Variants in GPBP1 observed in about 807,000 individuals in gnomAD.
GPBP1 encodes GC-rich promoter binding protein 1.
GPBP1 carries 13 observed loss-of-function variants against 56.5 expected under a neutral mutation model. The observed-to-expected ratio is 0.23, with a 90% confidence interval of 0.15 to 0.37. The LOEUF (loss-of-function observed/expected upper bound fraction) is 0.37. GPBP1 is among the 10% of genes least tolerant of loss of function. The probability of loss-of-function intolerance (pLI) is 1.00; values close to 1 mark genes in which losing one functional copy is unlikely to be tolerated. For missense variants in GPBP1, 477 were observed against 572.3 expected, an observed-to-expected ratio of 0.83 and a Z score of 1.70; for synonymous variants, 204 against 188.9, an observed-to-expected ratio of 1.08 and a Z score of -0.66.
chr5:57,174,577 T>C (rs1753712596), intron 1 of GPBP1, among the ~76,000 whole-genome samples: 1 of 152,126 alleles, frequency 6.6e-6, no homozygotes, highest in Admixed American at 6.5e-5. Flanking sequence ...TTTGCACCAC[T>C]ACCCTTCTCA....
chr5:57,199,933 T>G (rs116442681), intron 2 of GPBP1, among the ~76,000 whole-genome samples: 1,706 of 151,972 alleles, frequency 0.011, 30 homozygotes, highest in African/African-American at 0.039. Flanking sequence ...TTTTTTTCTT[T>G]TGGAACTCTT....
Position 57,246,285 on chromosome 5 carries a change from G to A in GPBP1, c.479-15G>A, listed in dbSNP as rs1239394125. 7 of 1,598,604 alleles carry A rather than the reference G, an allele frequency of 4.4e-6. No homozygotes were observed. The South Asian group carries it at 5.6e-5, about 13-fold the overall frequency. On this transcript the variant is annotated splice_polypyrimidine_tract_variant and intron_variant, in intron 6 of 11. Transcript: ENST00000506184. ...GAAATTGTGAGTGACTCTTGGTCATGCTTTATTTATGCAGAATATCCTCCG... is the reference window on the plus strand; with the variant it reads ...GAAATTGTGAGTGACTCTTGGTCATACTTTATTTATGCAGAATATCCTCCG...
At position 57,232,719 on chromosome 5, in the gene GPBP1, A is replaced by T. The variant is rs756300598; in HGVS notation, c.411+1398A>T. 8.3e-4 allele frequency among the ~76,000 whole-genome samples: 126 copies of T among 152,166 alleles called. 2 individuals carry two copies. Among genetic ancestry groups the T allele is most frequent in the Admixed American group, 3.9e-4 (6 of 15,270 alleles). ...AAGTAGATGCGTCAAGTTATAAATG[A>T]CCCTGTCTCCTTTGTTCGGTGTACT... On this transcript the variant is annotated intron_variant, in intron 5 of 11. Coordinates refer to ENST00000506184, the MANE Select transcript of GPBP1 (RefSeq NM_022913.4).
At chr5:57,250,206 G>A (rs181175339) in intron 9 of GPBP1, among the ~76,000 whole-genome samples, 5 of 151,454 alleles carry the variant, frequency 3.3e-5, no homozygotes, top group Non-Finnish European at 5.9e-5. Context: ...GTTTCACCAC[G>A]TTGGCCAGAC....
intron 10 of GPBP1, among the ~76,000 whole-genome samples, chr5:57,252,149 A>ACC (rs1741424386): frequency 1.1e-4 from 1 of 9,502 alleles, no homozygotes; most frequent in African/African-American, 4.3e-4. Flanking sequence ...CCACCCCCAC[A>ACC]GGCACCTTTT....
At chr5:57,178,481 G>C (rs575922258) in intron 2 of GPBP1, among the ~76,000 whole-genome samples, 2 of 152,268 alleles carry the variant, frequency 1.3e-5, no homozygotes, top group African/African-American at 4.8e-5. Context: ...CCTGACCTCA[G>C]ATGATTCACC....
intron 2 of GPBP1, among the ~76,000 whole-genome samples, chr5:57,189,052 G>C (rs1754410695): frequency 6.6e-6 from 1 of 152,274 alleles, no homozygotes; most frequent in South Asian, 2.1e-4. Flanking sequence ...GAGTATAGTG[G>C]TGTGATCTTG....
chr5:57,241,697 A>AG (rs1740843503), intron 6 of GPBP1, among the ~76,000 whole-genome samples: 1 of 152,246 alleles, frequency 6.6e-6, no homozygotes, highest in Non-Finnish European at 1.5e-5. Flanking sequence ...ATACCTGTGT[A>AG]GGTGAGGTTG....
intron 2 of GPBP1, among the ~76,000 whole-genome samples, chr5:57,208,212 A>G (rs533067687): frequency 1.3e-5 from 2 of 152,222 alleles, no homozygotes; most frequent in African/African-American, 2.4e-5. Context: ...GCCAGGGACC[A>G]TGCCCTTTTC....
rs143594486 is a variant in GPBP1, at chr5:57,255,415, C to T, written c.1160+4274C>T. 5.3e-3 allele frequency among the ~76,000 whole-genome samples: 804 copies of T among 152,250 alleles called. 4 individuals carry two copies. The highest frequency in any genetic ancestry group is 8.6e-3 in the Non-Finnish European group (585 of 68,014). ...AAAATAATCAGCTACTGCCATGTTA[C>T]CCAAAAACATTCTGATAATTTGCAC... On this transcript the variant is annotated intron_variant, in intron 10 of 11. Coordinates refer to ENST00000506184, the MANE Select transcript of GPBP1 (RefSeq NM_022913.4).
At chr5:57,253,150 AAGC>A (rs1293474678) in intron 10 of GPBP1, among the ~76,000 whole-genome samples, 2 of 152,180 alleles carry the variant, frequency 1.3e-5, no homozygotes, top group African/African-American at 4.8e-5. Context: ...TTGTAGTTAA[AAGC>A]AGGTATTTTT....
intron 3 of GPBP1, among the ~76,000 whole-genome samples, chr5:57,228,600 C>T (rs1472457424): frequency 6.6e-6 from 1 of 151,382 alleles, no homozygotes; most frequent in African/African-American, 2.4e-5. Flanking sequence ...ATAGATCTGT[C>T]TCTAAGGGGG....
At position 57,246,502 on chromosome 5, in the gene GPBP1, A is replaced by C; in HGVS notation, c.663+18A>C. ...CTACAAAAGTAAGTTCTAAATTACC[A>C]CAAATGTAAATTTTGAGTTGATAAC... On this transcript the variant is annotated intron_variant, in intron 7 of 11. Coordinates refer to ENST00000506184, the MANE Select transcript of GPBP1 (RefSeq NM_022913.4). 6.3e-7 allele frequency: 1 copy of C among 1,576,012 alleles called. No homozygotes were observed. Among genetic ancestry groups the C allele is most frequent in the Non-Finnish European group, 8.6e-7 (1 of 1,161,682 alleles).
chr5:57,230,695 GT>G, intron 3 of GPBP1, 150 bp from the exon 4 acceptor site: 1 of 701,376 alleles, frequency 1.4e-6, no homozygotes, highest in Non-Finnish European at 2.5e-6. Flanking sequence ...CCATTATACA[GT>G]TACCCAGTTA....
intron 6 of GPBP1, among the ~76,000 whole-genome samples, chr5:57,241,660 C>T (rs1740835973): frequency 6.6e-6 from 1 of 152,194 alleles, no homozygotes; most frequent in South Asian, 2.1e-4. Context: ...CATTTGCCTT[C>T]AGTTGTTCTG....
At chr5:57,174,978 C>T (rs1753735373) in intron 1 of GPBP1, among the ~76,000 whole-genome samples, 1 of 152,144 alleles carries the variant, frequency 6.6e-6, no homozygotes, top group Non-Finnish European at 1.5e-5. Flanking sequence ...CTCTAGTAGA[C>T]GTTCTGATTT....
At chr5:57,259,139 T>C (rs933005225) in intron 10 of GPBP1, among the ~76,000 whole-genome samples, 2 of 152,238 alleles carry the variant, frequency 1.3e-5, no homozygotes, top group South Asian at 4.1e-4. Flanking sequence ...TGATTAATGC[T>C]GACTGTGACA....
At chr5:57,225,969 A>G (rs1429188305) in intron 3 of GPBP1, among the ~76,000 whole-genome samples, 1 of 152,230 alleles carries the variant, frequency 6.6e-6, no homozygotes, top group Non-Finnish European at 1.5e-5. Context: ...AAAGTTAACG[A>G]CATGTGTAGC....
intron 2 of GPBP1, among the ~76,000 whole-genome samples, chr5:57,201,266 A>C (rs571060970): frequency 1.3e-5 from 2 of 152,300 alleles, no homozygotes; most frequent in East Asian, 3.9e-4. Context: ...ACTGGGACTT[A>C]CAAGTGTGTG....
Sources: gnomAD v4.1 joint callset for allele counts (sites outside exome capture counted in the v4.1 genomes callset) on GRCh38, gnomAD v4.1.1 for gene constraint, MANE v1.5 for transcripts, NCBI Gene and HGNC (gene_info 2026-07-23, HGNC 2026-07-21) for gene names.